Variants in CEP128 observed in about 807,000 individuals in gnomAD.
CEP128 encodes the protein centrosomal protein 128kDa.
In CEP128, 132 loss-of-function variants were observed where a neutral mutation model predicts 156.7. The ratio of observed to expected loss-of-function variants is 0.84; its 90% confidence interval spans 0.73 to 0.97. CEP128 has a LOEUF of 0.97. Among genes scored for constraint, CEP128 ranks in the 50% least tolerant of loss-of-function variants. The pLI is 0.00. For missense variants in CEP128, 1,252 were observed against 1,281.9 expected (o/e 0.98, Z 0.36); for synonymous variants, 469 against 448.9 (o/e 1.04, Z -0.57).
chr14:80,791,503 A>G (rs1901702810), intron 14 of CEP128, among the ~76,000 whole-genome samples: 1 of 152,222 alleles, frequency 6.6e-6, no homozygotes, highest in South Asian at 2.1e-4. Context: ...CCTCCAGATG[A>G]GATTTTCAAT....
At chr14:80,958,500 G>A (rs955728469) in intron 1 of CEP128, among the ~76,000 whole-genome samples, 8 of 152,096 alleles carry the variant, frequency 5.3e-5, no homozygotes, top group African/African-American at 1.7e-4. Context: ...TCAGTAAACC[G>A]ACTGATAACC....
At chr14:80,684,698 CA>C (rs536368254) in intron 19 of CEP128, among the ~76,000 whole-genome samples, 286 of 106,180 alleles carry the variant, frequency 2.7e-3, no homozygotes, top group Middle Eastern at 4.5e-3. Flanking sequence ...CAAAAATCCT[CA>C]AAAAAAAAAA....
At chr14:80,698,813 A>C (rs1896973428) in intron 19 of CEP128, among the ~76,000 whole-genome samples, 1 of 152,238 alleles carries the variant, frequency 6.6e-6, no homozygotes. Context: ...AATGACATTT[A>C]AGTTAAGCAT....
intron 9 of CEP128, among the ~76,000 whole-genome samples, chr14:80,847,756 T>C (rs973235886): frequency 6.6e-6 from 1 of 152,214 alleles, no homozygotes; most frequent in Non-Finnish European, 1.5e-5. Flanking sequence ...TGTGGAATAA[T>C]GCCCTTACTG....
In CEP128 at chr14:80,611,656, T is replaced by G. The variant is rs1892998845; in HGVS notation, c.2807-31233A>C. ...AAAGCTACAGAGATCTTCTTAAATT[T>G]AAATCAGTAAGATTAAAAATTATAG... On this transcript the variant is annotated intron_variant, in intron 19 of 24. Coordinates refer to ENST00000555265, the MANE Select transcript of CEP128 (RefSeq NM_152446.5). Among the ~76,000 whole-genome samples the G allele has an allele frequency of 2.0e-5, 3 of 152,336 alleles. No homozygotes were observed. In the South Asian group the frequency reaches 6.2e-4, roughly 32 times the overall value.
chr14:80,610,907 A>G (rs980647327), intron 19 of CEP128, among the ~76,000 whole-genome samples: 3 of 152,166 alleles, frequency 2.0e-5, no homozygotes, highest in Non-Finnish European at 2.9e-5. Context: ...AAGAAATGGT[A>G]AGTAAAAAGT....
At chr14:80,657,231 TGGGCAATAG>T (rs1421927032) in intron 19 of CEP128, among the ~76,000 whole-genome samples, 4 of 151,624 alleles carry the variant, frequency 2.6e-5, no homozygotes, top group Non-Finnish European at 5.9e-5. Flanking sequence ...CGCTCCAGCC[TGGGCAATAG>T]AGCCAGACTC....
chr14:80,499,424 T>A (rs1887637864), intron 24 of CEP128, among the ~76,000 whole-genome samples: 1 of 152,246 alleles, frequency 6.6e-6, no homozygotes, highest in African/African-American at 2.4e-5. Context: ...TTTTTAAGCA[T>A]CTTTCATTAA....
chr14:80,882,836 G>A (rs558231081), intron 8 of CEP128, among the ~76,000 whole-genome samples: 1 of 152,168 alleles, frequency 6.6e-6, no homozygotes, highest in African/African-American at 2.4e-5. Context: ...TTATTTGTGG[G>A]ATCTAAAAAT....
intron 2 of CEP128, chr14:80,955,408 A>G (rs367560399): frequency 1.8e-6 from 1 of 541,872 alleles, no homozygotes; most frequent in South Asian, 2.0e-5. Context: ...GGTGTCAGGG[A>G]ACAGACGGAG....
intron 13 of CEP128, among the ~76,000 whole-genome samples, chr14:80,801,527 A>C (rs542536545): frequency 1.3e-5 from 2 of 150,740 alleles, no homozygotes; most frequent in East Asian, 3.8e-4. Flanking sequence ...AAAAAAAAAC[A>C]AACAACCACA....
At chr14:80,526,198 C>T (rs1888967984) in intron 23 of CEP128, among the ~76,000 whole-genome samples, 1 of 152,082 alleles carries the variant, frequency 6.6e-6, no homozygotes, top group South Asian at 2.1e-4. Context: ...TACTGCAACG[C>T]ATAAGACTAC....
chr14:80,538,010 A>T (rs1450679174), intron 21 of CEP128, among the ~76,000 whole-genome samples: 4 of 152,176 alleles, frequency 2.6e-5, no homozygotes, highest in Non-Finnish European at 5.9e-5. Context: ...AATGGTCTTT[A>T]TTATTCTACG....
chr14:80,587,858 C>T (rs552890495), intron 19 of CEP128, among the ~76,000 whole-genome samples: 1 of 152,244 alleles, frequency 6.6e-6, no homozygotes, highest in South Asian at 2.1e-4. Context: ...TTTCTCCCCA[C>T]ATGTACTCTG....
At chr14:80,684,707 A>AG (rs1896459590) in intron 19 of CEP128, among the ~76,000 whole-genome samples, 2 of 152,204 alleles carry the variant, frequency 1.3e-5, no homozygotes, top group South Asian at 4.2e-4. Flanking sequence ...TCAAAAAAAA[A>AG]AAAAAGCAAA....
chr14:80,593,904 A>C (rs1167378710), intron 19 of CEP128, among the ~76,000 whole-genome samples: 1 of 152,234 alleles, frequency 6.6e-6, no homozygotes, highest in Admixed American at 6.5e-5. Context: ...TGCCCGAAGT[A>C]ATTTATAGAT....
intron 19 of CEP128, among the ~76,000 whole-genome samples, chr14:80,696,319 A>G (rs1285215148): frequency 6.6e-6 from 1 of 152,218 alleles, no homozygotes; most frequent in Non-Finnish European, 1.5e-5. Context: ...CCAAGCAAAC[A>G]TATTTGAGAG....
chr14:80,766,772 A>G (rs894319103), intron 16 of CEP128, among the ~76,000 whole-genome samples: 7 of 152,164 alleles, frequency 4.6e-5, no homozygotes, highest in Non-Finnish European at 7.4e-5. Context: ...AAATGTGACA[A>G]TATTTCAGTC....
rs375122664 is a variant in CEP128 at position 80,935,646 on chromosome 14, CAAAAA to C, written c.-16+3734_-16+3738del. Among the ~76,000 whole-genome samples, 137 of 51,598 alleles carry C rather than the reference CAAAAA, an allele frequency of 2.7e-3. 3 individuals are homozygous for C. The highest frequency in any genetic ancestry group is 0.026 in the Middle Eastern group (1 of 38). The allele number at this position is 51,598 out of a possible 152,430, so 33.9% of individuals were successfully genotyped here. The stretch of plus-strand genomic sequence containing the variant: ...GTATTCAAGCTATGAGTCCCCCCAC[CAAAAA>C]AAAAAAAAAAAAAAAAACAGAACAC... On this transcript the variant is annotated intron_variant, in intron 2 of 24. Coordinates refer to ENST00000555265, the MANE Select transcript of CEP128 (RefSeq NM_152446.5).
Sources: allele counts gnomAD v4.1 joint callset (sites outside exome capture counted in the v4.1 genomes callset), GRCh38; gene constraint gnomAD v4.1.1; transcripts MANE v1.5; gene names NCBI Gene and HGNC (gene_info 2026-07-23, HGNC 2026-07-21).